Variants in PAPOLA observed in about 807,000 individuals in gnomAD.
PAPOLA encodes the protein poly(A) polymerase alpha.
A neutral mutation model predicts 100.6 loss-of-function variants in PAPOLA; 15 were observed. That is an observed-to-expected ratio of 0.15 (90% confidence interval 0.10 to 0.23). The LOEUF (loss-of-function observed/expected upper bound fraction) is 0.23, where lower values mean the gene tolerates loss of function less well. Ranked by LOEUF, PAPOLA falls within the 10% of genes least tolerant of loss-of-function variation. The probability of loss-of-function intolerance (pLI) is 1.00; values close to 1 mark genes in which losing one functional copy is unlikely to be tolerated. For synonymous variants in PAPOLA, 293 were observed against 300.0 expected (o/e 0.98, Z 0.24); for missense variants, 533 against 884.2 (o/e 0.60, Z 5.04).
At chr14:96,544,956 G>A (rs569154368) in intron 15 of PAPOLA, among the ~76,000 whole-genome samples, 81 of 152,178 alleles carry the variant, frequency 5.3e-4, no homozygotes, top group African/African-American at 1.9e-3. Context: ...AGACCAAATG[G>A]TGGATGTAGT....
chr14:96,561,634 A>G (rs1038555550), intron 20 of PAPOLA, among the ~76,000 whole-genome samples: 1 of 152,214 alleles, frequency 6.6e-6, no homozygotes, highest in South Asian at 2.1e-4. Flanking sequence ...GCTAAATACC[A>G]TATCTGCCAT....
chr14:96,556,234 A>C lies in PAPOLA; in HGVS notation c.1825A>C (p.Lys609Gln). ...ACAACCAGCCATTTCTCCACCACCA[A>C]AGCCTACGGTCTCCAGAGTTGTTTC... ...ATQPAISPPP[K>Q]PTVSRVVSST... is the part of the protein sequence containing the mutation. Residue 609 changes from lysine to glutamine, a missense_variant, in exon 19 of 22, where the codon AAG (lysine) becomes CAG (glutamine). Physicochemically the swap from Lys to Gln is moderately conservative, Grantham distance 53. Transcript: ENST00000216277. 6.2e-7 allele frequency: 1 copy of C among 1,614,124 alleles called. No homozygotes were observed. Among genetic ancestry groups the C allele is most frequent in the Non-Finnish European group, 8.5e-7 (1 of 1,180,018 alleles).
intron 6 of PAPOLA, among the ~76,000 whole-genome samples, chr14:96,529,300 A>G (rs959664496): frequency 6.6e-6 from 1 of 152,084 alleles, no homozygotes; most frequent in Non-Finnish European, 1.5e-5. Flanking sequence ...AGACTTTGAA[A>G]TCTGTTCTTT....
intron 17 of PAPOLA, among the ~76,000 whole-genome samples, chr14:96,554,452 A>G (rs1399603538): frequency 1.3e-5 from 2 of 152,238 alleles, no homozygotes; most frequent in Non-Finnish European, 2.9e-5. Flanking sequence ...TATACCAATG[A>G]TATCCATAGC....
intron 1 of PAPOLA, among the ~76,000 whole-genome samples, chr14:96,505,421 T>G (rs1193616030): frequency 6.6e-6 from 1 of 152,206 alleles, no homozygotes; most frequent in Non-Finnish European, 1.5e-5. Context: ...TGGTCAGATA[T>G]TTTTGGCATC....
At chr14:96,532,844 G>A in intron 9 of PAPOLA, 195 bp downstream of exon 9, 8 of 1,313,012 alleles carry the variant, frequency 6.1e-6, no homozygotes, top group Non-Finnish European at 6.8e-6. Flanking sequence ...GGCCAGGATA[G>A]TAAGGCAGAT....
At position 96,502,870 on chromosome 14, in the gene PAPOLA, C is replaced by T. The variant is rs560138870; in HGVS notation, c.8+270C>T. The T allele has an allele frequency of 1.2e-5, 5 of 415,114 alleles. No homozygotes were observed. The Admixed American group carries it at 1.3e-4, about 11-fold the overall frequency. The allele number at this position is 415,114 out of a possible 1,614,324, so 25.7% of individuals were successfully genotyped here. The stretch of plus-strand genomic sequence containing the variant: ...TCCCCTTCCGGAATTGCTGGCGGAA[C>T]CTCTAACTCGCCCGGCCACTCCAGC... On this transcript the variant is annotated intron_variant, in intron 1 of 21. Coordinates refer to ENST00000216277, the MANE Select transcript of PAPOLA (RefSeq NM_032632.5).
intron 10 of PAPOLA, chr14:96,535,010 A>G: frequency 1.0e-6 from 1 of 976,416 alleles, no homozygotes; most frequent in African/African-American, 1.7e-5. Context: ...AATTACCATG[A>G]TGTAATTGTA....
At chr14:96,550,611 A>G (rs994480965) in intron 16 of PAPOLA, among the ~76,000 whole-genome samples, 1 of 152,178 alleles carries the variant, frequency 6.6e-6, no homozygotes, top group Non-Finnish European at 1.5e-5. Flanking sequence ...AAGGTTTTTG[A>G]TTAAACTTGC....
At chr14:96,527,265 C>G in intron 4 of PAPOLA, 165 bp from the exon 5 acceptor site, 1 of 579,298 alleles carries the variant, frequency 1.7e-6, no homozygotes, top group Non-Finnish European at 3.0e-6. Context: ...CAATTAAAAT[C>G]ATGTTTGTCC....
rs1327173417 is a variant in PAPOLA, at chr14:96,555,922, A to C, written c.1740A>C (p.Gln580His). 1.9e-6 allele frequency: 3 copies of C among 1,606,758 alleles called. No individual in the cohort carries two copies. Among genetic ancestry groups the C allele is most frequent in the Admixed American group, 3.3e-5 (2 of 60,004 alleles). The change falls in exon 18 of 22, where the codon CAA becomes CAC. Residue 580 changes from glutamine to histidine, a missense_variant. Physicochemically the swap from Gln to His is conservative, Grantham distance 24 (BLOSUM62 0). Coordinates refer to ENST00000216277, the MANE Select transcript of PAPOLA (RefSeq NM_032632.5). Reference protein sequence around the residue: ...NIQATEVSVPQVNSSESSGGT... With the variant: ...NIQATEVSVPHVNSSESSGGT... ...AGGCTACTGAAGTTTCTGTGCCACA[A>C]GTAAATTCCAGTGAAAGCTCAGGGG...
At position 96,565,654 on chromosome 14, in the gene PAPOLA, GAATA is replaced by G; in HGVS notation, c.*605_*608del. The G allele has an allele frequency of 2.5e-6, 1 of 396,928 alleles. No individual in the cohort carries two copies. Among genetic ancestry groups the G allele is most frequent in the Non-Finnish European group, 4.4e-6 (1 of 225,020 alleles). The allele number at this position is 396,928 out of a possible 1,614,324, so 24.6% of individuals were successfully genotyped here. A position where few individuals can be genotyped will look rare whatever the true frequency, so the allele number is the denominator to read the frequency against. On this transcript the variant is annotated 3_prime_UTR_variant, in exon 22 of 22. Coordinates refer to ENST00000216277, the MANE Select transcript of PAPOLA (RefSeq NM_032632.5). The stretch of plus-strand genomic sequence containing the variant: ...CTCTAGGGTACATTTGACATTGAAA[GAATA>G]GTTAGGAAATAACTTGGTTTTGATA...
chr14:96,504,111 C>T (rs993951154), intron 1 of PAPOLA, among the ~76,000 whole-genome samples: 6 of 152,054 alleles, frequency 3.9e-5, no homozygotes, highest in African/African-American at 1.4e-4. Flanking sequence ...TTTCTCAGTT[C>T]AATAGGAGAT....
intron 7 of PAPOLA, chr14:96,531,801 G>T (rs545008460): frequency 1.1e-4 from 152 of 1,436,196 alleles, no homozygotes; most frequent in Non-Finnish European, 1.3e-4. Flanking sequence ...GTCATTAATG[G>T]TATACTCAGG....
chr14:96,532,626 A>G lies in PAPOLA; in HGVS notation c.813A>G (p.Lys271=). The change falls in exon 9 of 22, where the codon AAA becomes AAG. Residue 271 remains lysine, a synonymous_variant. Transcript: ENST00000216277. ...PNAIASTLVH[K]FFLVFSKWEW... ...CAATAGCATCAACTCTTGTACATAA[A>G]TTTTTCTTGGTATTTTCTAAATGGT... 6.2e-7 allele frequency: 1 copy of G among 1,605,720 alleles called. No individual in the cohort carries two copies. Among genetic ancestry groups the G allele is most frequent in the Non-Finnish European group, 8.5e-7 (1 of 1,177,328 alleles).
rs1331323111 is a variant in PAPOLA at position 96,542,842 on chromosome 14, T to A, written c.1238T>A (p.Leu413Gln). 2 of 1,612,754 alleles carry A rather than the reference T, an allele frequency of 1.2e-6. No individual in the cohort carries two copies. The highest frequency in any genetic ancestry group is 1.7e-6 in the Non-Finnish European group (2 of 1,179,502). ...TTGGAGAAGAATGAATTTATTACAC[T>A]GGCTCATGTGAATCCCCAGTCATTT... ...GSLEKNEFITLAHVNPQSFPA... is the reference protein window; with the variant it reads ...GSLEKNEFITQAHVNPQSFPA... The change falls in exon 14 of 22, where the codon CTG becomes CAG. Residue 413 changes from leucine to glutamine, a missense_variant. Leu to Gln is a moderately radical substitution (Grantham distance 113, BLOSUM62 -2). Coordinates refer to ENST00000216277, the MANE Select transcript of PAPOLA (RefSeq NM_032632.5).
At chr14:96,548,069 G>T in intron 16 of PAPOLA, 151 bp downstream of exon 16, 2 of 663,826 alleles carry the variant, frequency 3.0e-6, no homozygotes, top group East Asian at 3.0e-5. Context: ...GTTTCATTAT[G>T]TGAAATCTGA....
At chr14:96,532,895 ACT>A (rs1899159444) in intron 9 of PAPOLA, 1 of 1,172,554 alleles carries the variant, frequency 8.5e-7, no homozygotes, top group East Asian at 4.3e-5. Context: ...CTCTGAATAA[ACT>A]CTGAATTTTA....
chr14:96,544,398 T>C (rs1900223176), intron 15 of PAPOLA, 140 bp downstream of exon 15: 1 of 593,096 alleles, frequency 1.7e-6, no homozygotes, highest in South Asian at 2.1e-5. Context: ...TGGTTTTGTA[T>C]TAGTCTAATA....
Sources: allele counts gnomAD v4.1 joint callset (sites outside exome capture counted in the v4.1 genomes callset), GRCh38; gene constraint gnomAD v4.1.1; transcripts MANE v1.5; gene names NCBI Gene and HGNC (gene_info 2026-07-23, HGNC 2026-07-21).